RAP1GDS1: variants seen among roughly 807,000 people sequenced by gnomAD.
RAP1GDS1 encodes the protein RAP1, GTP-GDP dissociation stimulator 1.
In RAP1GDS1, 35 loss-of-function variants were observed where a neutral mutation model predicts 71.1. The ratio of observed to expected loss-of-function variants is 0.49; its 90% confidence interval spans 0.38 to 0.65. RAP1GDS1 has a LOEUF of 0.65. Ranked by LOEUF, RAP1GDS1 falls within the 30% of genes least tolerant of loss-of-function variation. RAP1GDS1 has a pLI of 0.00. For missense variants in RAP1GDS1, 663 were observed against 706.1 expected (o/e 0.94, Z 0.69); for synonymous variants, 229 against 243.1 (o/e 0.94, Z 0.54).
intron 2 of RAP1GDS1, among the ~76,000 whole-genome samples, chr4:98,297,802 C>T (rs1214548798): frequency 1.3e-5 from 2 of 152,132 alleles, no homozygotes; most frequent in Admixed American, 1.3e-4. Flanking sequence ...ATCTCTCTCA[C>T]TTTATATCAC....
intron 2 of RAP1GDS1, among the ~76,000 whole-genome samples, chr4:98,299,715 A>G (rs1359644352): frequency 6.6e-6 from 1 of 151,454 alleles, no homozygotes; most frequent in Non-Finnish European, 1.5e-5. Context: ...GCTCAGTGCA[A>G]CCTCCACCTC....
chr4:98,299,253 C>T (rs1301902905), intron 2 of RAP1GDS1, among the ~76,000 whole-genome samples: 2 of 152,258 alleles, frequency 1.3e-5, no homozygotes, highest in South Asian at 2.1e-4. Flanking sequence ...TTTTTTATGT[C>T]TGCATAGTAT....
At chr4:98,403,935 G>A (rs1360985164) in intron 6 of RAP1GDS1, among the ~76,000 whole-genome samples, 5 of 152,104 alleles carry the variant, frequency 3.3e-5, no homozygotes, top group Non-Finnish European at 7.4e-5. Context: ...GGTGGACTAG[G>A]GGGAGGATGT....
At chr4:98,301,546 A>G (rs1243394122) in intron 2 of RAP1GDS1, among the ~76,000 whole-genome samples, 8 of 152,208 alleles carry the variant, frequency 5.3e-5, no homozygotes, top group Non-Finnish European at 2.9e-5. Context: ...ATTATTACAG[A>G]GATAAATAAA....
chr4:98,441,260 C>T (rs1751826897), intron 14 of RAP1GDS1: 27 of 845,050 alleles, frequency 3.2e-5, no homozygotes, highest in Non-Finnish European at 3.8e-5. Flanking sequence ...TTAGACTTCA[C>T]TCATCCCATA....
rs553997785 is a variant in RAP1GDS1, at chr4:98,318,986, T to TG, written c.113-24145dup. ...ATAAGGGGCAACTGCTGTAGTTCTC[T>TG]GGGGGGGGAAATGAGGTTCTGGAAC... On this transcript the variant is annotated intron_variant, in intron 2 of 14. Transcript: ENST00000408927. Among the ~76,000 whole-genome samples, 159 of 151,850 alleles carry TG rather than the reference T, an allele frequency of 1.0e-3. No individual in the cohort carries two copies. The East Asian group carries it at 0.012, about 11-fold the overall frequency.
intron 5 of RAP1GDS1, among the ~76,000 whole-genome samples, chr4:98,380,145 A>T (rs547808234): frequency 4.2e-4 from 63 of 150,786 alleles, no homozygotes; most frequent in Non-Finnish European, 6.8e-4. Context: ...CCTTGTTGTT[A>T]GTGACAACAG....
intron 2 of RAP1GDS1, among the ~76,000 whole-genome samples, chr4:98,326,361 A>T (rs985140561): frequency 6.6e-6 from 1 of 152,132 alleles, no homozygotes; most frequent in Non-Finnish European, 1.5e-5. Context: ...TCAAATTTCT[A>T]CTTGGTCAGC....
At chr4:98,279,550 A>G (rs576109645) in intron 1 of RAP1GDS1, among the ~76,000 whole-genome samples, 1 of 151,996 alleles carries the variant, frequency 6.6e-6, no homozygotes, top group East Asian at 1.9e-4. Flanking sequence ...AATTATTTAT[A>G]TATACTTACA....
intron 3 of RAP1GDS1, among the ~76,000 whole-genome samples, chr4:98,347,006 G>A (rs746965785): frequency 7.9e-5 from 12 of 152,112 alleles, no homozygotes; most frequent in Non-Finnish European, 1.3e-4. Flanking sequence ...TTAATACAGG[G>A]AAGTTATTAG....
At chr4:98,282,406 T>G (rs1725250693) in intron 1 of RAP1GDS1, among the ~76,000 whole-genome samples, 1 of 152,204 alleles carries the variant, frequency 6.6e-6, no homozygotes, top group African/African-American at 2.4e-5. Context: ...TAGAGGTGTT[T>G]ATAGTATTCT....
intron 2 of RAP1GDS1, among the ~76,000 whole-genome samples, chr4:98,299,805 T>G (rs1339759426): frequency 6.6e-6 from 1 of 151,924 alleles, no homozygotes; most frequent in Non-Finnish European, 1.5e-5. Flanking sequence ...TGGCTGATTT[T>G]TGTGTTTTTA....
At chr4:98,392,472 C>T (rs561037287) in intron 6 of RAP1GDS1, among the ~76,000 whole-genome samples, 4 of 152,112 alleles carry the variant, frequency 2.6e-5, no homozygotes, top group Non-Finnish European at 5.9e-5. Flanking sequence ...TCCAGCACTT[C>T]GGAAGGCCGA....
chr4:98,307,694 A>G (rs1301082712), intron 2 of RAP1GDS1, among the ~76,000 whole-genome samples: 1 of 152,102 alleles, frequency 6.6e-6, no homozygotes, highest in Non-Finnish European at 1.5e-5. Flanking sequence ...ATTGTGAAAG[A>G]TGTCTTGATT....
At chr4:98,313,371 A>G (rs1211797444) in intron 2 of RAP1GDS1, among the ~76,000 whole-genome samples, 1 of 152,228 alleles carries the variant, frequency 6.6e-6, no homozygotes, top group Non-Finnish European at 1.5e-5. Flanking sequence ...AGACAGAGAC[A>G]TCCAAAATAA....
chr4:98,420,999 C>T (rs1366400127), intron 11 of RAP1GDS1, among the ~76,000 whole-genome samples: 2 of 152,128 alleles, frequency 1.3e-5, no homozygotes, highest in African/African-American at 2.4e-5. Flanking sequence ...CATTATAGTC[C>T]GCCAGAGCAC....
chr4:98,273,363 C>T lies in RAP1GDS1; in HGVS notation c.4+11794C>T, dbSNP rs140664413. Among the ~76,000 whole-genome samples the T allele has an allele frequency of 2.8e-3, 424 of 152,062 alleles. 2 individuals are homozygous for T. The highest frequency in any genetic ancestry group is 7.5e-3 in the African/African-American group (311 of 41,472). On this transcript the variant is annotated intron_variant, in intron 1 of 14. Transcript: ENST00000408927. ...CAATGCAAAAACTGCAGTTATGTTG[C>T]GCCAGCCTAATAGAAAAGGGAAAAA...
intron 4 of RAP1GDS1, among the ~76,000 whole-genome samples, chr4:98,375,622 A>G (rs1741058783): frequency 6.6e-6 from 1 of 152,200 alleles, no homozygotes; most frequent in African/African-American, 2.4e-5. Flanking sequence ...GATAAATTTA[A>G]AGATGCAAGT....
At chr4:98,303,050 A>G (rs990032382) in intron 2 of RAP1GDS1, among the ~76,000 whole-genome samples, 2 of 135,746 alleles carry the variant, frequency 1.5e-5, no homozygotes, top group African/African-American at 3.0e-5. Context: ...AGTCTCAAAT[A>G]AAAAAAAAAA....
Sources: allele counts gnomAD v4.1 joint callset (sites outside exome capture counted in the v4.1 genomes callset), GRCh38; gene constraint gnomAD v4.1.1; transcripts MANE v1.5; gene names NCBI Gene and HGNC (gene_info 2026-07-23, HGNC 2026-07-21).